ADAMTS18: variants seen among roughly 807,000 people sequenced by gnomAD.
ADAMTS18 encodes ADAM metallopeptidase with thrombospondin type 1 motif 18.
ADAMTS18 carries 157 observed loss-of-function variants against 165.9 expected under a neutral mutation model. The ratio of observed to expected loss-of-function variants is 0.95; its 90% CI spans 0.83 to 1.08. The LOEUF (loss-of-function observed/expected upper bound fraction) is 1.08. Ranked by LOEUF, ADAMTS18 falls within the 50% of genes least tolerant of loss-of-function variation. ADAMTS18 has a pLI of 0.00. For missense variants in ADAMTS18, 2,040 were observed against 1,534.0 expected (o/e 1.33, Z -5.51); for synonymous variants, 782 against 578.2 (o/e 1.35, Z -5.06).
intron 20 of ADAMTS18, among the ~76,000 whole-genome samples, chr16:77,292,821 C>A (rs1341817569): frequency 1.3e-5 from 2 of 151,992 alleles, no homozygotes; most frequent in Non-Finnish European, 2.9e-5. Context: ...AAACCTCCAG[C>A]AGTGACTTTT....
intron 3 of ADAMTS18, among the ~76,000 whole-genome samples, chr16:77,412,415 C>T (rs2057476964): frequency 6.6e-6 from 1 of 152,086 alleles, no homozygotes; most frequent in African/African-American, 2.4e-5. Flanking sequence ...GCCTGCAATT[C>T]ATGGACTCAA....
intron 10 of ADAMTS18, among the ~76,000 whole-genome samples, chr16:77,349,932 C>T (rs1233996943): frequency 6.6e-6 from 1 of 152,178 alleles, no homozygotes; most frequent in African/African-American, 2.4e-5. Context: ...AACTGAGCTC[C>T]TGCTATGTGA....
rs374125734 is a variant in ADAMTS18, at chr16:77,387,611, T to G, written c.496-19888A>C. On this transcript the variant is annotated intron_variant, in intron 3 of 22. Coordinates refer to ENST00000282849, the MANE Select transcript of ADAMTS18 (RefSeq NM_199355.4). Reference sequence around the variant, plus strand: ...GCAAACTGCTTCCACTGCCATGTCTTTCTTGTAATGAGGCGATTACAAGCT... The same window carrying G: ...GCAAACTGCTTCCACTGCCATGTCTGTCTTGTAATGAGGCGATTACAAGCT... Among the ~76,000 whole-genome samples, 20 of 152,328 alleles carry G rather than the reference T, an allele frequency of 1.3e-4. No individual in the cohort carries two copies. The South Asian group carries it at 3.7e-3, about 28-fold the overall frequency.
intron 3 of ADAMTS18, among the ~76,000 whole-genome samples, chr16:77,429,487 G>T (rs1175256559): frequency 1.3e-5 from 2 of 152,056 alleles, no homozygotes; most frequent in East Asian, 3.9e-4. Flanking sequence ...ATTGGGTACT[G>T]GGCTTAATAT....
intron 17 of ADAMTS18, 170 bp downstream of exon 17, chr16:77,300,093 A>G: frequency 1.3e-6 from 1 of 744,472 alleles, no homozygotes; most frequent in Non-Finnish European, 2.2e-6. Flanking sequence ...TCCTTACCAC[A>G]TAGGAAAACC....
intron 12 of ADAMTS18, among the ~76,000 whole-genome samples, chr16:77,330,063 A>C (rs1384910030): frequency 1.3e-5 from 2 of 152,158 alleles, no homozygotes; most frequent in African/African-American, 4.8e-5. Context: ...TAAGAATATG[A>C]GATATGGAAG....
intron 10 of ADAMTS18, among the ~76,000 whole-genome samples, chr16:77,350,878 C>G (rs1052995358): frequency 6.6e-6 from 1 of 151,930 alleles, no homozygotes; most frequent in Non-Finnish European, 1.5e-5. Flanking sequence ...CGTTGTTGTT[C>G]TTCTAATCAC....
chr16:77,418,343 T>C (rs116684917), intron 3 of ADAMTS18, among the ~76,000 whole-genome samples: 481 of 152,308 alleles, frequency 3.2e-3, no homozygotes, highest in African/African-American at 0.011. Context: ...GAGTTTGTGA[T>C]TGTGCTCTAT....
chr16:77,394,138 G>T (rs571306551), intron 3 of ADAMTS18, among the ~76,000 whole-genome samples: 1 of 152,310 alleles, frequency 6.6e-6, no homozygotes, highest in East Asian at 1.9e-4. Flanking sequence ...ACATTAAAAT[G>T]CATCCTTAGC....
intron 3 of ADAMTS18, among the ~76,000 whole-genome samples, chr16:77,408,454 T>C (rs2057419629): frequency 6.6e-6 from 1 of 152,122 alleles, no homozygotes; most frequent in Non-Finnish European, 1.5e-5. Flanking sequence ...ACAACCCAAA[T>C]GTCTGTCAAC....
In ADAMTS18 at chr16:77,355,936, A is replaced by T; in HGVS notation, c.1460+4T>A. ...GGAGCACCCCAGGATTTAACCTGTC[A>T]TACCTGAGGAATTTCTTGAGATACT... On this transcript the variant is annotated splice_donor_region_variant and intron_variant, in intron 9 of 22. Transcript: ENST00000282849. The T allele has an allele frequency of 1.9e-6, 3 of 1,613,994 alleles. No homozygotes were observed. Among genetic ancestry groups the T allele is most frequent in the Non-Finnish European group, 2.5e-6 (3 of 1,179,902 alleles).
In ADAMTS18 at chr16:77,335,918, G is replaced by T. The variant is rs1263202220; in HGVS notation, c.1711-14C>A. The T allele has an allele frequency of 6.2e-7, 1 of 1,614,118 alleles. No homozygotes were observed. The highest frequency in any genetic ancestry group is 8.5e-7 in the Non-Finnish European group (1 of 1,180,010). On this transcript the variant is annotated splice_polypyrimidine_tract_variant and intron_variant, in intron 11 of 22. Transcript: ENST00000282849. ...TTGCCGACACCACTGTGAAAAGAACGTGTAAGATGGTTCCCGTCAGAGACC... is the reference window on the plus strand; with the variant it reads ...TTGCCGACACCACTGTGAAAAGAACTTGTAAGATGGTTCCCGTCAGAGACC...
chr16:77,383,417 T>C (rs866664422), intron 3 of ADAMTS18, among the ~76,000 whole-genome samples: 2 of 152,166 alleles, frequency 1.3e-5, no homozygotes, highest in Non-Finnish European at 2.9e-5. Context: ...TTCACTCCAT[T>C]GCTGTTCTAT....
chr16:77,401,176 A>T (rs2057327009), intron 3 of ADAMTS18, among the ~76,000 whole-genome samples: 1 of 151,988 alleles, frequency 6.6e-6, no homozygotes, highest in African/African-American at 2.4e-5. Flanking sequence ...AATTGCTTGA[A>T]CCCAGGGACA....
In ADAMTS18 at chr16:77,283,753, AGTGCTTCAGAGTACCAC is replaced by A. The variant is rs1183223303; in HGVS notation, c.*186_*202del. 24 of 568,802 alleles carry A rather than the reference AGTGCTTCAGAGTACCAC, an allele frequency of 4.2e-5. 1 individual carries two copies. Among genetic ancestry groups the A allele is most frequent in the Non-Finnish European group, 5.3e-5 (17 of 317,818 alleles). 35.2% of individuals were successfully genotyped at this position (568,802 alleles called of 1,614,324 possible). A position where few individuals can be genotyped will look rare whatever the true frequency, so the allele number is the denominator to read the frequency against. ...GATTTGTCATCGCTTCCCATTTTCA[AGTGCTTCAGAGTACCAC>A]GTGCTTCAGGGAATTGAGCTAGAAG... On this transcript the variant is annotated 3_prime_UTR_variant, in exon 23 of 23. Coordinates refer to ENST00000282849, the MANE Select transcript of ADAMTS18 (RefSeq NM_199355.4).
intron 3 of ADAMTS18, among the ~76,000 whole-genome samples, chr16:77,378,321 TCAAAAA>T (rs1274779274): frequency 2.2e-5 from 3 of 135,252 alleles, no homozygotes; most frequent in Non-Finnish European, 3.1e-5. Context: ...AGGCCTTGTC[TCAAAAA>T]CAAAAACAAA....
chr16:77,366,176 G>A (rs2056790653), intron 4 of ADAMTS18, among the ~76,000 whole-genome samples: 1 of 152,084 alleles, frequency 6.6e-6, no homozygotes, highest in South Asian at 2.1e-4. Context: ...TTCTGGCTGT[G>A]GTATCCAACT....
intron 12 of ADAMTS18, among the ~76,000 whole-genome samples, chr16:77,330,106 G>C (rs2056163550): frequency 6.6e-6 from 1 of 152,070 alleles, no homozygotes; most frequent in South Asian, 2.1e-4. Flanking sequence ...AAACACACCT[G>C]GTGATTCTGA....
chr16:77,306,838 T>A (rs1302298432), intron 16 of ADAMTS18, among the ~76,000 whole-genome samples: 1 of 152,202 alleles, frequency 6.6e-6, no homozygotes, highest in East Asian at 1.9e-4. Context: ...CAAAGTCACA[T>A]AGCTAATAAG....
Sources: gnomAD v4.1 joint callset for allele counts (sites outside exome capture counted in the v4.1 genomes callset) on GRCh38, gnomAD v4.1.1 for gene constraint, MANE v1.5 for transcripts, NCBI Gene and HGNC (gene_info 2026-07-23, HGNC 2026-07-21) for gene names.